VSTM4: variants seen among roughly 807,000 people sequenced by gnomAD.
VSTM4 encodes V-set and transmembrane domain containing 4, also known as V-set and transmembrane domain-containing protein 4.
VSTM4 carries 20 observed loss-of-function variants against 36.4 expected under a neutral mutation model. That is an observed-to-expected ratio of 0.55 (90% CI 0.39 to 0.80). The LOEUF (loss-of-function observed/expected upper bound fraction) is 0.80, where lower values mean the gene tolerates loss of function less well. VSTM4 is among the 30% of genes least tolerant of loss of function. VSTM4 has a pLI of 0.00. For missense variants in VSTM4, 392 were observed against 404.5 expected, an observed-to-expected ratio of 0.97 and a Z score of 0.26; for synonymous variants, 182 against 173.9, an observed-to-expected ratio of 1.05 and a Z score of -0.37.
chr10:49,096,657 G>GTGTGTGTT (rs1262494203), intron 2 of VSTM4, among the ~76,000 whole-genome samples: 1 of 149,616 alleles, frequency 6.7e-6, no homozygotes, highest in Non-Finnish European at 1.5e-5. Context: ...GTGTGTGTGT[G>GTGTGTGTT]TGTGTGTGTG....
At chr10:49,077,780 C>T (rs1844206550) in intron 3 of VSTM4, among the ~76,000 whole-genome samples, 1 of 152,134 alleles carries the variant, frequency 6.6e-6, no homozygotes, top group Admixed American at 6.5e-5. Flanking sequence ...ACACAAGAGG[C>T]ACCGTCTATA....
At chr10:49,072,384 G>T (rs1320623574) in intron 4 of VSTM4, among the ~76,000 whole-genome samples, 1 of 152,188 alleles carries the variant, frequency 6.6e-6, no homozygotes, top group East Asian at 1.9e-4. Context: ...CCAATCCTCA[G>T]GCCCCACAGG....
rs1385101744 is a variant in VSTM4, at chr10:49,016,243, T to A, written c.*3407A>T. 1 of 152,040 alleles carries A rather than the reference T, an allele frequency of 6.6e-6. No homozygotes were observed. Among genetic ancestry groups the A allele is most frequent in the Non-Finnish European group, 1.5e-5 (1 of 68,022 alleles). 9.4% of individuals were successfully genotyped at this position (152,040 alleles called of 1,614,324 possible). A position where few individuals can be genotyped will look rare whatever the true frequency, so the allele number is the denominator to read the frequency against. ...CAAAACCAGGATTTAAACAGCAGAG[T>A]AATTAGAGAGTTTATGGAAGAGAAG... is the stretch of plus-strand genomic sequence containing the variant. On this transcript the variant is annotated 3_prime_UTR_variant, in exon 8 of 8. Transcript: ENST00000332853.
At chr10:49,050,068 T>C (rs1215724862) in intron 5 of VSTM4, among the ~76,000 whole-genome samples, 1 of 151,462 alleles carries the variant, frequency 6.6e-6, no homozygotes, top group Non-Finnish European at 1.5e-5. Flanking sequence ...CAGCAGGGAC[T>C]AGTTGAGTAG....
intron 1 of VSTM4, among the ~76,000 whole-genome samples, chr10:49,114,782 A>AAAATTCTTAAGAC (rs1373387249): frequency 2.0e-5 from 3 of 151,644 alleles, no homozygotes; most frequent in Admixed American, 2.0e-4. Context: ...ATAAAGAGGG[A>AAAATTCTTAAGAC]AAATTCTTAA....
At chr10:49,095,592 A>G (rs1295920491) in intron 2 of VSTM4, among the ~76,000 whole-genome samples, 1 of 152,052 alleles carries the variant, frequency 6.6e-6, no homozygotes, top group Non-Finnish European at 1.5e-5. Flanking sequence ...TGTCGTCTCT[A>G]CTGAAACAGC....
In VSTM4 at chr10:49,055,359, C is replaced by T. The variant is rs1008103517; in HGVS notation, c.669-6775G>A. Reference sequence around the variant, plus strand: ...ACACAGATGGAGGGAGGGATCCATCCGTTTCTTTCCAAGCAGCTCTATGGC... The same window carrying T: ...ACACAGATGGAGGGAGGGATCCATCTGTTTCTTTCCAAGCAGCTCTATGGC... On this transcript the variant is annotated intron_variant, in intron 5 of 7. Coordinates refer to ENST00000332853, the MANE Select transcript of VSTM4 (RefSeq NM_001031746.5). Among the ~76,000 whole-genome samples, 8 of 152,268 alleles carry T rather than the reference C, an allele frequency of 5.3e-5. No individual in the cohort carries two copies. In the Middle Eastern group the frequency reaches 0.01, roughly 194 times the overall value.
chr10:49,051,053 A>C (rs1843689705), intron 5 of VSTM4, among the ~76,000 whole-genome samples: 1 of 152,214 alleles, frequency 6.6e-6, no homozygotes, highest in Non-Finnish European at 1.5e-5. Context: ...ATTAGACATC[A>C]GTATCCCTCA....
chr10:49,111,853 G>C (rs1328449319), intron 1 of VSTM4, among the ~76,000 whole-genome samples: 1 of 152,198 alleles, frequency 6.6e-6, no homozygotes, highest in Non-Finnish European at 1.5e-5. Context: ...AAAAGTGCAG[G>C]GTTTAAGAAA....
At chr10:49,030,337 C>T (rs954146298) in intron 7 of VSTM4, among the ~76,000 whole-genome samples, 1 of 152,214 alleles carries the variant, frequency 6.6e-6, no homozygotes, top group African/African-American at 2.4e-5. Flanking sequence ...TCTGCTGTGA[C>T]TGCTGACTTA....
intron 7 of VSTM4, among the ~76,000 whole-genome samples, chr10:49,032,955 T>C (rs1214432327): frequency 7.0e-6 from 1 of 143,536 alleles, no homozygotes; most frequent in Admixed American, 7.0e-5. Flanking sequence ...TTTTTTTTGG[T>C]GGGAGAATAA....
chr10:49,081,705 C>T (rs996798023), intron 3 of VSTM4, among the ~76,000 whole-genome samples: 1 of 152,226 alleles, frequency 6.6e-6, no homozygotes, highest in African/African-American at 2.4e-5. Context: ...CTCTGGAAGG[C>T]TCAGCTGGCC....
intron 4 of VSTM4, among the ~76,000 whole-genome samples, chr10:49,073,262 AG>A (rs1844115055): frequency 6.6e-6 from 1 of 152,140 alleles, no homozygotes; most frequent in African/African-American, 2.4e-5. Context: ...CATCTAGGGG[AG>A]GGAACACCCT....
intron 4 of VSTM4, among the ~76,000 whole-genome samples, chr10:49,072,192 G>T (rs771263023): frequency 1.8e-4 from 28 of 152,192 alleles, no homozygotes; most frequent in Non-Finnish European, 2.8e-4. Context: ...GGAGCATCTT[G>T]CGGTGCAGCC....
At chr10:49,110,880 G>T (rs536597979) in intron 1 of VSTM4, among the ~76,000 whole-genome samples, 3 of 152,176 alleles carry the variant, frequency 2.0e-5, no homozygotes, top group African/African-American at 7.2e-5. Context: ...TTATGACAGC[G>T]TAAGCACACT....
At chr10:49,108,998 G>A (rs971341229) in intron 1 of VSTM4, among the ~76,000 whole-genome samples, 3 of 152,162 alleles carry the variant, frequency 2.0e-5, no homozygotes, top group East Asian at 1.9e-4. Flanking sequence ...GGCAGGGCCC[G>A]AGAAAAGATG....
intron 3 of VSTM4, among the ~76,000 whole-genome samples, chr10:49,078,889 T>A (rs1358533709): frequency 1.3e-5 from 2 of 152,242 alleles, no homozygotes; most frequent in Non-Finnish European, 2.9e-5. Context: ...TGGAGCGCAG[T>A]GGCATAATCT....
chr10:49,015,180 A>G lies in VSTM4; in HGVS notation c.*4470T>C, dbSNP rs1477702739. ...TCTATTGCCCAGGCTGGAGTGCAGC[A>G]GCACGATCTCGGCTCACTGCAAGCT... On this transcript the variant is annotated 3_prime_UTR_variant, in exon 8 of 8. Coordinates refer to ENST00000332853, the MANE Select transcript of VSTM4 (RefSeq NM_001031746.5). 6.8e-6 allele frequency: 1 copy of G among 146,632 alleles called. No individual in the cohort carries two copies. The highest frequency in any genetic ancestry group is 1.5e-5 in the Non-Finnish European group (1 of 67,446). 9.1% of individuals were successfully genotyped at this position (146,632 alleles called of 1,614,324 possible). A position where few individuals can be genotyped will look rare whatever the true frequency, so the allele number is the denominator to read the frequency against.
intron 1 of VSTM4, 112 bp downstream of exon 1, chr10:49,115,318 CG>C (rs1844975053): frequency 1.4e-6 from 1 of 723,802 alleles, no homozygotes; most frequent in African/African-American, 1.9e-5. Flanking sequence ...CGCCGCCCCC[CG>C]CCCGCGCCCG....
Sources: allele counts gnomAD v4.1 joint callset (sites outside exome capture counted in the v4.1 genomes callset), GRCh38; gene constraint gnomAD v4.1.1; transcripts MANE v1.5; gene names NCBI Gene and HGNC (gene_info 2026-07-23, HGNC 2026-07-21).